Variants in EML6 observed in about 807,000 individuals in gnomAD.
EML6 encodes EMAP like 6.
In EML6, 154 loss-of-function variants were observed where a neutral mutation model predicts 240.1. That is an observed-to-expected ratio of 0.64 (90% CI 0.56 to 0.73). The LOEUF is 0.73. Ranked by LOEUF, EML6 falls within the 30% of genes least tolerant of loss-of-function variation. The pLI is 0.00. For missense variants in EML6, 2,964 were observed against 2,474.6 expected, an observed-to-expected ratio of 1.20 and a Z score of -4.20; for synonymous variants, 1,148 against 899.0, an observed-to-expected ratio of 1.28 and a Z score of -4.95.
chr2:54,871,090 G>A (rs905551253), intron 15 of EML6, among the ~76,000 whole-genome samples: 1 of 152,204 alleles, frequency 6.6e-6, no homozygotes, highest in Non-Finnish European at 1.5e-5. Flanking sequence ...CTGGTGGGTA[G>A]CGTAACTGAG....
At chr2:54,797,177 A>AAAAAAAAAAAAACAAAAAAAAAC (rs1558556981) in intron 2 of EML6, among the ~76,000 whole-genome samples, 10 of 132,678 alleles carry the variant, frequency 7.5e-5, no homozygotes, top group Non-Finnish European at 8.1e-5. Context: ...AAAAAAAAAA[A>AAAAAAAAAAAAACAAAAAAAAAC]AAAAAAAAAA....
At chr2:54,913,510 TG>T (rs1673751974) in intron 25 of EML6, among the ~76,000 whole-genome samples, 1 of 152,154 alleles carries the variant, frequency 6.6e-6, no homozygotes, top group Non-Finnish European at 1.5e-5. Context: ...GGTTGTTTTT[TG>T]CCTGTTGACT....
At chr2:54,798,395 G>C (rs1202300134) in intron 2 of EML6, among the ~76,000 whole-genome samples, 1 of 152,052 alleles carries the variant, frequency 6.6e-6, no homozygotes, top group Non-Finnish European at 1.5e-5. Flanking sequence ...GGCTGGTCTG[G>C]AACTCCTGAC....
At chr2:54,773,568 T>C (rs1668484613) in intron 2 of EML6, among the ~76,000 whole-genome samples, 1 of 152,250 alleles carries the variant, frequency 6.6e-6, no homozygotes, top group South Asian at 2.1e-4. Context: ...AGGAGATGTA[T>C]GAAGTATTGG....
Position 54,760,141 on chromosome 2 carries a change from C to T in EML6, c.197+34883C>T, listed in dbSNP as rs114394619. Among the ~76,000 whole-genome samples, 335 of 151,194 alleles carry T rather than the reference C, an allele frequency of 2.2e-3. 1 individual carries two copies. Among genetic ancestry groups the T allele is most frequent in the Middle Eastern group, 0.014 (4 of 288 alleles). On this transcript the variant is annotated intron_variant, in intron 2 of 41. Transcript: ENST00000356458. ...TCTTAGATTTATTTAGTGTTTGACT[C>T]GATCCATATTTTTAATCATTGAAAA...
intron 7 of EML6, among the ~76,000 whole-genome samples, chr2:54,829,796 T>C (rs903418697): frequency 5.9e-5 from 9 of 152,208 alleles, no homozygotes; most frequent in Non-Finnish European, 1.3e-4. Context: ...GTACCCAGCC[T>C]CTGAAAACAA....
Position 54,948,889 on chromosome 2 carries a change from G to C in EML6, c.4012G>C (p.Val1338Leu). 1.3e-6 allele frequency: 2 copies of C among 1,551,318 alleles called. No homozygotes were observed. The highest frequency in any genetic ancestry group is 1.7e-6 in the Non-Finnish European group (2 of 1,146,864). ...KEVSVEERPP[V>L]SRAAPQPEKL... ...GGCCGCTCTCTCTTCCAGACCACCC[G>C]TTAGCCGAGCAGCTCCCCAGCCTGA... Residue 1338 changes from valine (V) to leucine (L), a missense_variant, in exon 29 of 42, where the codon GTT (valine) becomes CTT (leucine). Coordinates refer to ENST00000356458, the MANE Select transcript of EML6 (RefSeq NM_001039753.4).
In EML6 at chr2:54,948,483, C is replaced by A. The variant is rs547381132; in HGVS notation, c.4005-399C>A. On this transcript the variant is annotated intron_variant, in intron 28 of 41. Transcript: ENST00000356458. Reference sequence around the variant, plus strand: ...TTAATTCTGAACAACATGAGCACATCCCTGTCTGAAAAAGGTCAGCAAGTC... The same window carrying A: ...TTAATTCTGAACAACATGAGCACATACCTGTCTGAAAAAGGTCAGCAAGTC... 2.6e-5 allele frequency among the ~76,000 whole-genome samples: 4 copies of A among 152,310 alleles called. No individual in the cohort carries two copies. The South Asian group carries it at 8.3e-4, about 32-fold the overall frequency.
At chr2:54,763,891 A>C (rs910117410) in intron 2 of EML6, among the ~76,000 whole-genome samples, 1 of 152,090 alleles carries the variant, frequency 6.6e-6, no homozygotes, top group Non-Finnish European at 1.5e-5. Context: ...CGAGGCTGGG[A>C]AGTGAGGTTC....
intron 13 of EML6, among the ~76,000 whole-genome samples, chr2:54,865,337 C>A (rs1398887927): frequency 1.9e-5 from 2 of 102,668 alleles, no homozygotes; most frequent in African/African-American, 6.8e-5. Flanking sequence ...AAAAAAAAAA[C>A]TGCTGGGCAT....
At chr2:54,751,036 A>C (rs1429958970) in intron 2 of EML6, among the ~76,000 whole-genome samples, 1 of 152,228 alleles carries the variant, frequency 6.6e-6, no homozygotes. Context: ...CCTGGAAAAT[A>C]ATAGGATGTT....
intron 12 of EML6, among the ~76,000 whole-genome samples, chr2:54,860,251 C>T (rs1670605216): frequency 6.6e-6 from 1 of 152,140 alleles, no homozygotes; most frequent in African/African-American, 2.4e-5. Context: ...TGGACTGGCT[C>T]TTAATTCACC....
intron 8 of EML6, among the ~76,000 whole-genome samples, chr2:54,846,940 G>C (rs996469181): frequency 5.5e-4 from 33 of 59,684 alleles, no homozygotes; most frequent in Admixed American, 2.6e-3. Flanking sequence ...TTTTTTTGGA[G>C]ACAGGGCCTT....
At chr2:54,903,582 GC>G in intron 24 of EML6, 80 bp downstream of exon 24, 1 of 1,273,482 alleles carries the variant, frequency 7.9e-7, no homozygotes, top group Non-Finnish European at 1.1e-6. Flanking sequence ...AGAGAGAATG[GC>G]AGTTGAGTGT....
chr2:54,904,717 G>T (rs574049979), intron 24 of EML6, among the ~76,000 whole-genome samples: 2 of 152,296 alleles, frequency 1.3e-5, no homozygotes, highest in South Asian at 4.1e-4. Flanking sequence ...GTACTTGTAG[G>T]CACTATGTAA....
At chr2:54,872,222 A>G (rs1242592728) in intron 16 of EML6, among the ~76,000 whole-genome samples, 1 of 152,214 alleles carries the variant, frequency 6.6e-6, no homozygotes, top group Non-Finnish European at 1.5e-5. Context: ...TTAAGTTGGC[A>G]TTTGAGAATG....
At chr2:54,875,823 G>A (rs1411946716) in intron 16 of EML6, among the ~76,000 whole-genome samples, 1 of 152,148 alleles carries the variant, frequency 6.6e-6, no homozygotes, top group Non-Finnish European at 1.5e-5. Flanking sequence ...TAGAAAACCA[G>A]ATTAGAAATA....
At chr2:54,923,746 C>T (rs4671995) in intron 26 of EML6, among the ~76,000 whole-genome samples, 10,601 of 152,142 alleles carry the variant, frequency 0.07, 650 homozygotes, top group East Asian at 0.2. Flanking sequence ...AAGATACATA[C>T]GCCATTGCCA....
Position 54,853,678 on chromosome 2 carries a change from G to C in EML6, c.1480G>C (p.Gly494Arg). The change falls in exon 11 of 42, where the codon GGG becomes CGG. Residue 494 changes from glycine to arginine, a missense_variant. Gly to Arg is a moderately radical substitution (Grantham distance 125, BLOSUM62 -2). Coordinates refer to ENST00000356458, the MANE Select transcript of EML6 (RefSeq NM_001039753.4). ...TTTAACAAGTAAAGAAGAAATTAAA[G>C]GGATTCCTTGGGCCTCCTGGACATG... Reference protein sequence around the residue: ...KPLTSKEEIKGIPWASWTCVK... With the variant: ...KPLTSKEEIKRIPWASWTCVK... 1 of 1,548,944 alleles carries C rather than the reference G, an allele frequency of 6.5e-7. No homozygotes were observed. The highest frequency in any genetic ancestry group is 8.7e-7 in the Non-Finnish European group (1 of 1,145,504).
Sources: gnomAD v4.1 joint callset for allele counts (sites outside exome capture counted in the v4.1 genomes callset) on GRCh38, gnomAD v4.1.1 for gene constraint, MANE v1.5 for transcripts, NCBI Gene and HGNC (gene_info 2026-07-23, HGNC 2026-07-21) for gene names.